LRMDA: variants seen among roughly 807,000 people sequenced by gnomAD.
The protein encoded by LRMDA is leucine-rich melanocyte differentiation-associated protein.
A neutral mutation model predicts 29.8 loss-of-function variants in LRMDA; 18 were observed. That is an observed-to-expected ratio of 0.60 (90% CI 0.42 to 0.90). The LOEUF (loss-of-function observed/expected upper bound fraction) is 0.90. Ranked by LOEUF, LRMDA falls within the 40% of genes least tolerant of loss-of-function variation. The pLI is 0.00. For synonymous variants in LRMDA, 125 were observed against 109.4 expected (o/e 1.14, Z -0.89); for missense variants, 273 against 273.9 (o/e 1.00, Z 0.02).
intron 2 of LRMDA, among the ~76,000 whole-genome samples, chr10:75,840,838 C>T (rs1844528517): frequency 6.6e-6 from 1 of 152,210 alleles, no homozygotes; most frequent in African/African-American, 2.4e-5. Flanking sequence ...TTTCAAAATG[C>T]AAACTATCTA....
chr10:75,715,863 T>A (rs1177912307), intron 2 of LRMDA, among the ~76,000 whole-genome samples: 1 of 150,772 alleles, frequency 6.6e-6, no homozygotes, highest in Non-Finnish European at 1.5e-5. Flanking sequence ...ACTTGATTGA[T>A]CATAGTTTTG....
intron 6 of LRMDA, among the ~76,000 whole-genome samples, chr10:76,543,120 A>G (rs1220061597): frequency 6.6e-6 from 1 of 152,128 alleles, no homozygotes; most frequent in Non-Finnish European, 1.5e-5. Context: ...GATTCTTTAA[A>G]ATGCCAATAG....
intron 5 of LRMDA, among the ~76,000 whole-genome samples, chr10:76,266,559 C>G (rs7901822): frequency 0.03 from 4,603 of 152,144 alleles, 172 homozygotes; most frequent in African/African-American, 0.083. Flanking sequence ...GTCATTATCT[C>G]CATTTTTCAC....
chr10:75,648,257 A>T, intron 2 of LRMDA, among the ~76,000 whole-genome samples: 1 of 152,190 alleles, frequency 6.6e-6, no homozygotes, highest in East Asian at 1.9e-4. Context: ...TGAGTGGCCA[A>T]GCTGGAGTTT....
In LRMDA at chr10:75,501,827, T is replaced by C. The variant is rs558799544; in HGVS notation, c.131+63333T>C. Among the ~76,000 whole-genome samples, 8 of 152,314 alleles carry C rather than the reference T, an allele frequency of 5.3e-5. No homozygotes were observed. In the South Asian group the frequency reaches 1.7e-3, roughly 32 times the overall value. ...TGATCCAAGTCTATTTATTGCTTTC[T>C]TTATTTTTTCTTTTAGAGATAGAGT... On this transcript the variant is annotated intron_variant, in intron 2 of 6. Transcript: ENST00000611255.
chr10:76,456,835 C>T (rs1842461761), intron 6 of LRMDA, among the ~76,000 whole-genome samples: 1 of 152,112 alleles, frequency 6.6e-6, no homozygotes, highest in South Asian at 2.1e-4. Flanking sequence ...CATGTCACCT[C>T]CTTCTTCCCT....
intron 6 of LRMDA, among the ~76,000 whole-genome samples, chr10:76,491,375 A>G (rs944684507): frequency 2.0e-5 from 3 of 151,900 alleles, no homozygotes; most frequent in Non-Finnish European, 4.4e-5. Context: ...TGTTGATGAA[A>G]TCCCTCAGCT....
intron 2 of LRMDA, among the ~76,000 whole-genome samples, chr10:76,014,946 A>G (rs897990316): frequency 3.3e-5 from 5 of 152,232 alleles, no homozygotes; most frequent in African/African-American, 1.2e-4. Context: ...AGAAGGTTTC[A>G]GGCCCAGACC....
intron 2 of LRMDA, among the ~76,000 whole-genome samples, chr10:75,958,313 G>A (rs1368377860): frequency 6.6e-6 from 1 of 152,208 alleles, no homozygotes; most frequent in East Asian, 1.9e-4. Flanking sequence ...TCTGTAACTA[G>A]GTATATAATT....
At chr10:76,487,095 A>T (rs1842790021) in intron 6 of LRMDA, among the ~76,000 whole-genome samples, 2 of 151,932 alleles carry the variant, frequency 1.3e-5, no homozygotes, top group African/African-American at 4.8e-5. Context: ...AAGAACGGTG[A>T]TGATGAAAGT....
chr10:75,483,976 G>A lies in LRMDA; in HGVS notation c.131+45482G>A, dbSNP rs147374163. Among the ~76,000 whole-genome samples, 1,313 of 149,170 alleles carry A rather than the reference G, an allele frequency of 8.8e-3. 14 individuals are homozygous for A. Among genetic ancestry groups the A allele is most frequent in the Middle Eastern group, 0.065 (19 of 294 alleles). On this transcript the variant is annotated intron_variant, in intron 2 of 6. Transcript: ENST00000611255. ...TCCCCACTGCCACCCTTTTTTCTGA[G>A]ACAGGATCTCACTTTGTCACCCAAG...
intron 5 of LRMDA, among the ~76,000 whole-genome samples, chr10:76,237,051 G>T (rs1852165664): frequency 6.6e-6 from 1 of 152,038 alleles, no homozygotes; most frequent in South Asian, 2.1e-4. Context: ...CAGTCATTTT[G>T]TTGCCTACAT....
At chr10:76,068,997 C>T (rs1379791610) in intron 5 of LRMDA, among the ~76,000 whole-genome samples, 1 of 152,232 alleles carries the variant, frequency 6.6e-6, no homozygotes, top group Non-Finnish European at 1.5e-5. Flanking sequence ...GCAAAGAGAA[C>T]ATCTTTCTTT....
chr10:75,564,864 C>T (rs1840349887), intron 2 of LRMDA, among the ~76,000 whole-genome samples: 1 of 152,204 alleles, frequency 6.6e-6, no homozygotes, highest in Admixed American at 6.5e-5. Context: ...TTTTGCTGAT[C>T]TGTAAGGGAT....
At chr10:75,517,374 G>A (rs1024431297) in intron 2 of LRMDA, among the ~76,000 whole-genome samples, 1 of 151,916 alleles carries the variant, frequency 6.6e-6, no homozygotes, top group African/African-American at 2.4e-5. Context: ...CTTTTATTTT[G>A]TTGAGCAGTG....
chr10:75,894,216 A>C (rs2132356733), intron 2 of LRMDA, among the ~76,000 whole-genome samples: 1 of 150,978 alleles, frequency 6.6e-6, no homozygotes, highest in South Asian at 2.1e-4. Flanking sequence ...ATTCCATTGT[A>C]TCATTCTTAT....
At chr10:75,680,979 CT>C (rs1842016045) in intron 2 of LRMDA, among the ~76,000 whole-genome samples, 1 of 152,000 alleles carries the variant, frequency 6.6e-6, no homozygotes, top group Non-Finnish European at 1.5e-5. Context: ...GAGAAAGTTC[CT>C]GTCTTTTTAG....
intron 2 of LRMDA, among the ~76,000 whole-genome samples, chr10:75,837,153 T>C (rs1844452896): frequency 6.6e-6 from 1 of 152,216 alleles, no homozygotes; most frequent in Admixed American, 6.5e-5. Flanking sequence ...GTAAGAGATG[T>C]ATAAGGCTTG....
At chr10:76,553,099 T>C (rs950189345) in intron 6 of LRMDA, among the ~76,000 whole-genome samples, 1 of 152,220 alleles carries the variant, frequency 6.6e-6, no homozygotes, top group African/African-American at 2.4e-5. Context: ...AGCTGGCTAC[T>C]TAAGAAAAAT....
Sources: gnomAD v4.1 joint callset for allele counts (sites outside exome capture counted in the v4.1 genomes callset) on GRCh38, gnomAD v4.1.1 for gene constraint, MANE v1.5 for transcripts, NCBI Gene and HGNC (gene_info 2026-07-23, HGNC 2026-07-21) for gene names.